TRIP12: variants seen among roughly 807,000 people sequenced by gnomAD.
TRIP12 encodes thyroid hormone receptor interactor 12.
A neutral mutation model predicts 244.2 loss-of-function variants in TRIP12; 25 were observed. That is an observed-to-expected ratio of 0.10 (90% CI 0.07 to 0.14). The LOEUF is 0.14. Among genes scored for constraint, TRIP12 ranks in the 10% least tolerant of loss-of-function variants. The pLI, the probability that TRIP12 is intolerant of heterozygous loss-of-function variation, is 1.00. For synonymous variants in TRIP12, 905 were observed against 873.1 expected (o/e 1.04, Z -0.64); for missense variants, 1,677 against 2,486.4 (o/e 0.67, Z 6.92).
intron 8 of TRIP12, among the ~76,000 whole-genome samples, chr2:229,828,338 ATTTGT>A (rs1167497741): frequency 1.4e-5 from 2 of 143,762 alleles, no homozygotes; most frequent in African/African-American, 5.1e-5. Flanking sequence ...TGCAACAGTG[ATTTGT>A]TTTTTTTTTT....
intron 7 of TRIP12, among the ~76,000 whole-genome samples, chr2:229,830,501 C>T (rs1187203243): frequency 2.0e-5 from 3 of 152,158 alleles, no homozygotes; most frequent in Non-Finnish European, 4.4e-5. Context: ...GCTACACATG[C>T]AACCACAATT....
At chr2:229,902,996 T>G (rs1282613164) in intron 1 of TRIP12, among the ~76,000 whole-genome samples, 1 of 60,118 alleles carries the variant, frequency 1.7e-5, no homozygotes, top group Non-Finnish European at 2.9e-5. Context: ...GTGTGCGGGT[T>G]TTTTTTTCTT....
At chr2:229,807,009 CATTT>C (rs1232293027) in intron 17 of TRIP12, among the ~76,000 whole-genome samples, 1 of 152,174 alleles carries the variant, frequency 6.6e-6, no homozygotes, top group Non-Finnish European at 1.5e-5. Context: ...ATATTATGCT[CATTT>C]AGTTTTAAAA....
chr2:229,809,891 A>C (rs2046845509), intron 15 of TRIP12, among the ~76,000 whole-genome samples: 1 of 152,244 alleles, frequency 6.6e-6, no homozygotes, highest in Non-Finnish European at 1.5e-5. Context: ...TATACTGCTA[A>C]ATATACTGTC....
intron 2 of TRIP12, among the ~76,000 whole-genome samples, chr2:229,864,483 T>C (rs1194210647): frequency 6.6e-6 from 1 of 152,220 alleles, no homozygotes; most frequent in Non-Finnish European, 1.5e-5. Flanking sequence ...TTGAGACTGC[T>C]TTTGACAGTA....
chr2:229,769,376 C>A lies in TRIP12; in HGVS notation c.5809-51G>T, dbSNP rs541372455. ...GAATTACTAAGGAAACATTTGTTTA[C>A]GTGAGTGAAAATAAAGGTCTACGTG... is the stretch of plus-strand genomic sequence containing the variant. On this transcript the variant is annotated intron_variant, in intron 39 of 41. Coordinates refer to ENST00000675903, the MANE Select transcript of TRIP12 (RefSeq NM_001348323.3). 29 of 1,569,852 alleles carry A rather than the reference C, an allele frequency of 1.8e-5. No individual in the cohort carries two copies. In the African/African-American group the frequency reaches 1.9e-4, roughly 10 times the overall value.
intron 6 of TRIP12, among the ~76,000 whole-genome samples, chr2:229,834,340 T>C (rs1368504467): frequency 2.6e-5 from 4 of 152,226 alleles, no homozygotes; most frequent in Non-Finnish European, 4.4e-5. Context: ...CAATGCAAAA[T>C]GAAGCTGACA....
At chr2:229,811,268 CT>C in intron 13 of TRIP12, 64 bp from the exon 14 acceptor site, 1 of 1,479,954 alleles carries the variant, frequency 6.8e-7, no homozygotes, top group East Asian at 2.5e-5. Flanking sequence ...TCATGTATCA[CT>C]ACTTTATCTT....
In TRIP12 at chr2:229,816,341, AC is replaced by A. The variant is rs2048498627; in HGVS notation, c.1600-1034del. Among the ~76,000 whole-genome samples the A allele has an allele frequency of 6.6e-5, 10 of 151,254 alleles. No individual in the cohort carries two copies. The South Asian group carries it at 1.9e-3, about 28-fold the overall frequency. On this transcript the variant is annotated intron_variant, in intron 9 of 41. Transcript: ENST00000675903. ...TTCAGGACTTAAAAAAAAAAAAAAAACTATCAAATCACTTAATGTCAGTCAC... is the reference window on the plus strand; with the variant it reads ...TTCAGGACTTAAAAAAAAAAAAAAAATATCAAATCACTTAATGTCAGTCAC...
chr2:229,846,249 T>G (rs2057558409), intron 4 of TRIP12, among the ~76,000 whole-genome samples: 1 of 152,176 alleles, frequency 6.6e-6, no homozygotes, highest in African/African-American at 2.4e-5. Flanking sequence ...TTGAAATCTT[T>G]CGTGGAAGCA....
At chr2:229,787,803 T>C (rs1490295359) in intron 32 of TRIP12, 142 bp from the exon 33 acceptor site, 19 of 779,808 alleles carry the variant, frequency 2.4e-5, no homozygotes, top group Middle Eastern at 3.9e-4. Context: ...TTTAGGTCAA[T>C]TTATTTATTT....
intron 40 of TRIP12, 100 bp from the exon 41 acceptor site, chr2:229,768,819 T>C: frequency 9.0e-7 from 1 of 1,110,068 alleles, no homozygotes; most frequent in East Asian, 2.6e-5. Flanking sequence ...AGATTAGCAC[T>C]TTTAAATTAC....
chr2:229,782,103 A>G (rs1028668288), intron 34 of TRIP12, among the ~76,000 whole-genome samples: 1 of 152,134 alleles, frequency 6.6e-6, no homozygotes, highest in Non-Finnish European at 1.5e-5. Context: ...ATGTACGTTT[A>G]AAGAGACTAA....
At chr2:229,808,843 C>G (rs2046530950) in intron 15 of TRIP12, among the ~76,000 whole-genome samples, 1 of 152,156 alleles carries the variant, frequency 6.6e-6, no homozygotes, top group Non-Finnish European at 1.5e-5. Context: ...CTAAGCAACA[C>G]TGATTACATG....
chr2:229,827,293 A>G (rs1156919563), intron 8 of TRIP12, among the ~76,000 whole-genome samples: 2 of 151,786 alleles, frequency 1.3e-5, no homozygotes, highest in Non-Finnish European at 2.9e-5. Flanking sequence ...AAAAAAAAAG[A>G]AAAAGAAAAA....
chr2:229,911,939 A>G (rs2074365296), intron 1 of TRIP12, among the ~76,000 whole-genome samples: 1 of 152,204 alleles, frequency 6.6e-6, no homozygotes, highest in Admixed American at 6.5e-5. Context: ...ACATAATTTC[A>G]CTGTATTGAA....
chr2:229,778,331 G>C lies in TRIP12; in HGVS notation c.5364+102C>G, dbSNP rs1157758198. On this transcript the variant is annotated intron_variant, in intron 36 of 41. Coordinates refer to ENST00000675903, the MANE Select transcript of TRIP12 (RefSeq NM_001348323.3). The surrounding 1 kb of genome is among the most constrained non-coding windows in gnomAD (Gnocchi z 4.1). ...AATTCATATGTGTATTGAAGTTTGAGAAGCATTGCTCTAAACTATAGCAGT... is the reference window on the plus strand; with the variant it reads ...AATTCATATGTGTATTGAAGTTTGACAAGCATTGCTCTAAACTATAGCAGT... 6.4e-6 allele frequency: 9 copies of C among 1,407,334 alleles called. No individual in the cohort carries two copies. The Admixed American group carries it at 1.9e-4, about 30-fold the overall frequency. The allele number at this position is 1,407,334 out of a possible 1,614,324, so 87.2% of individuals were successfully genotyped here. A position where few individuals can be genotyped will look rare whatever the true frequency, so the allele number is the denominator to read the frequency against.
intron 4 of TRIP12, among the ~76,000 whole-genome samples, chr2:229,842,282 T>C (rs767623692): frequency 6.6e-6 from 1 of 152,184 alleles, no homozygotes; most frequent in Non-Finnish European, 1.5e-5. Context: ...ACTGCCAGAA[T>C]TACCTGATAT....
At chr2:229,916,120 T>C (rs2154381198) in intron 1 of TRIP12, among the ~76,000 whole-genome samples, 1 of 152,344 alleles carries the variant, frequency 6.6e-6, no homozygotes, top group East Asian at 1.9e-4. Context: ...AATTCATCTG[T>C]GGAGCCTAAT....
Sources: gnomAD v4.1 joint callset for allele counts (sites outside exome capture counted in the v4.1 genomes callset) on GRCh38, gnomAD v4.1.1 for gene constraint, Gnocchi (gnomAD v3.1) non-coding constraint, MANE v1.5 for transcripts, NCBI Gene and HGNC (gene_info 2026-07-23, HGNC 2026-07-21) for gene names.